Variants in ZFP91 observed in about 807,000 individuals in gnomAD.
ZFP91 encodes E3 ubiquitin-protein ligase ZFP91.
A neutral mutation model predicts 63.5 loss-of-function variants in ZFP91; 7 were observed. That is an observed-to-expected ratio of 0.11 (90% confidence interval 0.06 to 0.21). ZFP91 has a LOEUF of 0.21. Ranked by LOEUF, ZFP91 falls within the 10% of genes least tolerant of loss-of-function variation. The pLI is 1.00. For missense variants in ZFP91, 628 were observed against 736.6 expected (o/e 0.85, Z 1.71); for synonymous variants, 330 against 272.1 (o/e 1.21, Z -2.10).
At position 58,612,299 on chromosome 11, in the gene ZFP91, T is replaced by G. The variant is rs1855678207; in HGVS notation, c.879T>G (p.Asp293Glu). 6.2e-7 allele frequency: 1 copy of G among 1,613,718 alleles called. No homozygotes were observed. The highest frequency in any genetic ancestry group is 8.5e-7 in the Non-Finnish European group (1 of 1,179,748). ...PPRKRGRRRK[D>E]DKSPRLPKRR... Reference sequence around the variant, plus strand: ...ACAGGAGAGGAAGAAGACGAAAAGATGACAAAAGTCCACGTTTACCCAAAA... The same window carrying G: ...ACAGGAGAGGAAGAAGACGAAAAGAGGACAAAAGTCCACGTTTACCCAAAA... The change falls in exon 7 of 11, where the codon GAT becomes GAG. Residue 293 changes from aspartate to glutamate, a missense_variant. By Grantham distance (45) the Asp-to-Glu change is conservative. Around this residue, in one of 3 missense-constraint regions of ZFP91, gnomAD observed 76 missense variants for 230.9 expected, o/e 0.33. Coordinates refer to ENST00000316059, the MANE Select transcript of ZFP91 (RefSeq NM_053023.5).
At chr11:58,601,707 T>G (rs1459954046) in intron 2 of ZFP91, among the ~76,000 whole-genome samples, 1 of 152,186 alleles carries the variant, frequency 6.6e-6, no homozygotes, top group Admixed American at 6.5e-5. Context: ...GATATTTTGT[T>G]TTCATTTTCA....
In ZFP91 at chr11:58,591,970, A is replaced by T. The variant is rs879421074; in HGVS notation, c.370+7086A>T. 5.3e-5 allele frequency among the ~76,000 whole-genome samples: 8 copies of T among 152,080 alleles called. 1 individual carries two copies. The East Asian group carries it at 1.5e-3, about 29-fold the overall frequency. The stretch of plus-strand genomic sequence containing the variant: ...GTCAGCCTGGGTTTGGTTTTCAGCA[A>T]TCTCAGTTTTGCAGCTGTAGTAGGT... On this transcript the variant is annotated intron_variant, in intron 2 of 10. Coordinates refer to ENST00000316059, the MANE Select transcript of ZFP91 (RefSeq NM_053023.5).
chr11:58,589,319 C>G (rs1421967173), intron 2 of ZFP91, among the ~76,000 whole-genome samples: 1 of 152,150 alleles, frequency 6.6e-6, no homozygotes, highest in Non-Finnish European at 1.5e-5. Context: ...TTGCCTCGGC[C>G]TCCCAAAGTG....
At chr11:58,593,282 C>G (rs1466574132) in intron 2 of ZFP91, among the ~76,000 whole-genome samples, 1 of 152,210 alleles carries the variant, frequency 6.6e-6, no homozygotes, top group Non-Finnish European at 1.5e-5. Context: ...CCACCAGATG[C>G]TCAGAGAGCA....
Position 58,618,888 on chromosome 11 carries a change from T to TGAG in ZFP91, c.*1187_*1189dup, listed in dbSNP as rs1310780755. The TGAG allele has an allele frequency of 4.0e-6, 1 of 251,078 alleles. No individual in the cohort carries two copies. Among genetic ancestry groups the TGAG allele is most frequent in the African/African-American group, 2.3e-5 (1 of 43,250 alleles). The allele number at this position is 251,078 out of a possible 1,614,324, so 15.6% of individuals were successfully genotyped here. A position where few individuals can be genotyped will look rare whatever the true frequency, so the allele number is the denominator to read the frequency against. On this transcript the variant is annotated 3_prime_UTR_variant, in exon 11 of 11. Transcript: ENST00000316059. ...TTGAAACTTAAGAATTTTGAGAGGG[T>TGAG]GAGGAGGGTTGTTCAGAATCTAAAT...
intron 2 of ZFP91, among the ~76,000 whole-genome samples, chr11:58,608,878 C>T (rs1047335108): frequency 5.9e-5 from 9 of 152,170 alleles, no homozygotes; most frequent in African/African-American, 1.7e-4. Context: ...GCTGGGATTA[C>T]AGGTGTGAGC....
intron 2 of ZFP91, among the ~76,000 whole-genome samples, chr11:58,590,435 T>A (rs1855284636): frequency 6.6e-6 from 1 of 152,206 alleles, no homozygotes; most frequent in Admixed American, 6.5e-5. Context: ...TCAGACTTGT[T>A]TTATATTATG....
intron 2 of ZFP91, among the ~76,000 whole-genome samples, chr11:58,588,554 G>T (rs1855250010): frequency 6.6e-6 from 1 of 151,984 alleles, no homozygotes; most frequent in African/African-American, 2.4e-5. Flanking sequence ...AGTTTTCATA[G>T]ATTTCAACAG....
Position 58,611,698 on chromosome 11 carries a change from G to A in ZFP91, c.817G>A (p.Glu273Lys), listed in dbSNP as rs984236296. ...GGAAGTAGAGGTGGAGGTGAAAGAA[G>A]AGGAGAATGAAATTAGAGAGGATGA... Reference protein sequence around the residue: ...KVEVEVEVKEEENEIREDEEP... With the variant: ...KVEVEVEVKEKENEIREDEEP... Residue 273 changes from glutamate to lysine, a missense_variant, in exon 6 of 11, where the codon GAG becomes AAG. Physicochemically the swap from Glu to Lys is moderately conservative, Grantham distance 56 (BLOSUM62 1). Transcript: ENST00000316059. 9.3e-6 allele frequency: 15 copies of A among 1,612,026 alleles called. No homozygotes were observed. Among genetic ancestry groups the A allele is most frequent in the Non-Finnish European group, 1.1e-5 (13 of 1,178,974 alleles).
chr11:58,611,955 AT>A, intron 6 of ZFP91: 1 of 561,474 alleles, frequency 1.8e-6, no homozygotes, highest in Non-Finnish European at 3.1e-6. Context: ...AGGAGAAGGT[AT>A]TTTTTAATCT....
chr11:58,590,405 CT>C (rs1156485027), intron 2 of ZFP91, among the ~76,000 whole-genome samples: 1 of 152,182 alleles, frequency 6.6e-6, no homozygotes, highest in African/African-American at 2.4e-5. Context: ...CCATTCCCCC[CT>C]CCTCATTGGT....
At chr11:58,599,916 G>T (rs1416715744) in intron 2 of ZFP91, among the ~76,000 whole-genome samples, 2 of 152,008 alleles carry the variant, frequency 1.3e-5, no homozygotes, top group African/African-American at 4.8e-5. Flanking sequence ...ATATCCATTT[G>T]TCTTAGCACC....
At chr11:58,609,264 G>A (rs1010249078) in intron 2 of ZFP91, among the ~76,000 whole-genome samples, 1 of 152,148 alleles carries the variant, frequency 6.6e-6, no homozygotes, top group African/African-American at 2.4e-5. Context: ...TGTCTTATAG[G>A]ACAACTGAAA....
At chr11:58,586,881 T>C (rs1290611001) in intron 2 of ZFP91, among the ~76,000 whole-genome samples, 1 of 152,214 alleles carries the variant, frequency 6.6e-6, no homozygotes, top group African/African-American at 2.4e-5. Context: ...ACAGGTTTTA[T>C]TTTTTAGAGG....
rs1248611348 is a variant in ZFP91, at chr11:58,612,812, C to T, written c.959C>T (p.Thr320Ile). 3.1e-6 allele frequency: 5 copies of T among 1,612,208 alleles called. No homozygotes were observed. Among genetic ancestry groups the T allele is most frequent in the African/African-American group, 2.7e-5 (2 of 74,646 alleles). ...YVRCEMEGCGTVLAHPRYLQH... is the reference protein window; with the variant it reads ...YVRCEMEGCGIVLAHPRYLQH... ...CGTTGTGAGATGGAAGGATGTGGAACTGTCCTTGCCCATCCTCGCTATTTG... is the reference window on the plus strand; with the variant it reads ...CGTTGTGAGATGGAAGGATGTGGAATTGTCCTTGCCCATCCTCGCTATTTG... The change falls in exon 8 of 11, where the codon ACT (threonine) becomes ATT (isoleucine). Residue 320 changes from threonine (T) to isoleucine (I), a missense_variant. Physicochemically the swap from Thr to Ile is moderately conservative, Grantham distance 89 (BLOSUM62 -1). Transcript: ENST00000316059.
chr11:58,610,053 A>C lies in ZFP91; in HGVS notation c.580+14A>C. 3 of 1,612,482 alleles carry C rather than the reference A, an allele frequency of 1.9e-6. No individual in the cohort carries two copies. The highest frequency in any genetic ancestry group is 2.2e-5 in the South Asian group (2 of 91,058). On this transcript the variant is annotated intron_variant, in intron 3 of 10. Coordinates refer to ENST00000316059, the MANE Select transcript of ZFP91 (RefSeq NM_053023.5). ...AACTTGATTATGGTACAGTGCAACT[A>C]GAATATGGCTGTTTACTAACTAGTT... is the stretch of plus-strand genomic sequence containing the variant.
intron 2 of ZFP91, among the ~76,000 whole-genome samples, chr11:58,598,631 G>T (rs368830072): frequency 7.2e-5 from 11 of 152,116 alleles, no homozygotes; most frequent in African/African-American, 2.2e-4. Flanking sequence ...TGTCTTTGAA[G>T]TACCACACAG....
intron 2 of ZFP91, among the ~76,000 whole-genome samples, chr11:58,585,667 TCTGCTTATAGCCTGCTA>T (rs1266328634): frequency 2.0e-4 from 31 of 152,304 alleles, no homozygotes; most frequent in Admixed American, 5.9e-4. Flanking sequence ...GCTTTTAAGG[TCTGCTTATAGCCTGCTA>T]CTATTTCTAT....
intron 1 of ZFP91, among the ~76,000 whole-genome samples, chr11:58,583,381 A>C (rs1855150991): frequency 6.6e-6 from 1 of 152,124 alleles, no homozygotes; most frequent in South Asian, 2.1e-4. Context: ...CTAGTATGTG[A>C]AATTCCATTT....
Sources: gnomAD v4.1 joint callset for allele counts (sites outside exome capture counted in the v4.1 genomes callset) on GRCh38, gnomAD v4.1.1 for gene constraint, gnomAD v4.1.1 regional missense constraint, MANE v1.5 for transcripts, NCBI Gene and HGNC (gene_info 2026-07-23, HGNC 2026-07-21) for gene names.